SPG7: variants seen among roughly 807,000 people sequenced by gnomAD.
SPG7 encodes mitochondrial inner membrane m-AAA protease component paraplegin.
Under a neutral mutation model 81.9 loss-of-function variants are expected in SPG7, and 103 were observed. That is an observed-to-expected ratio of 1.26 (90% CI 1.07 to 1.48). The LOEUF (loss-of-function observed/expected upper bound fraction) is 1.48, where lower values mean the gene tolerates loss of function less well. SPG7 is among the 40% of genes most tolerant of loss of function. The probability of loss-of-function intolerance (pLI) is 0.00; values close to 1 mark genes in which losing one functional copy is unlikely to be tolerated. For synonymous variants in SPG7, 534 were observed against 444.2 expected (o/e 1.20, Z -2.54); for missense variants, 1,241 against 1,087.3 (o/e 1.14, Z -1.99).
At chr16:89,552,581 A>G (rs2058646529) in intron 13 of SPG7, 1 of 311,388 alleles carries the variant, frequency 3.2e-6, no homozygotes, top group South Asian at 2.8e-5. Flanking sequence ...AGGTGAGGAC[A>G]GCCTCTGCTG....
chr16:89,546,076 C>T (rs2058559739), intron 10 of SPG7: 1 of 301,768 alleles, frequency 3.3e-6, no homozygotes, highest in Non-Finnish European at 6.5e-6. Flanking sequence ...CCCACCTCTC[C>T]TTCCAAGAGC....
rs117368587 is a variant in SPG7 at position 89,527,663 on chromosome 16, C to A, written c.758+1195C>A. 4.6e-5 allele frequency among the ~76,000 whole-genome samples: 7 copies of A among 152,250 alleles called. No homozygotes were observed. The East Asian group carries it at 1.4e-3, about 29-fold the overall frequency. On this transcript the variant is annotated intron_variant, in intron 5 of 16. Transcript: ENST00000645818. Reference sequence around the variant, plus strand: ...AAACAGACCAGGTGGGAGCTGTCAGCACGTATGGACCATGGACCCTGACAG... The same window carrying A: ...AAACAGACCAGGTGGGAGCTGTCAGAACGTATGGACCATGGACCCTGACAG...
At chr16:89,545,509 G>C (rs191168894) in intron 10 of SPG7, 130 of 190,076 alleles carry the variant, frequency 6.8e-4, no homozygotes, top group African/African-American at 3.0e-3. Context: ...TTCCCGCTGG[G>C]ACACGGCTTC....
chr16:89,547,667 C>A (rs1192616464), intron 11 of SPG7: 1 of 362,394 alleles, frequency 2.8e-6, no homozygotes, highest in Non-Finnish European at 5.4e-6. Flanking sequence ...GACTGGAGTG[C>A]AGTGGCGTGA....
intron 16 of SPG7, 34 bp downstream of exon 16, chr16:89,554,597 TCACA>T (rs770056742): frequency 7.5e-6 from 11 of 1,474,934 alleles, no homozygotes; most frequent in Non-Finnish European, 1.0e-5. Context: ...GGCTACGGCG[TCACA>T]CAGTGTCCAC....
upstream of SPG7, chr16:89,508,389 G>A (rs941380831): frequency 2.7e-6 from 4 of 1,460,378 alleles, no homozygotes; most frequent in Non-Finnish European, 3.6e-6. Flanking sequence ...GCGCCCCGCG[G>A]ATCACGCAGG....
chr16:89,509,508 C>T (rs979861791), intron 1 of SPG7, among the ~76,000 whole-genome samples: 2 of 152,208 alleles, frequency 1.3e-5, no homozygotes, highest in African/African-American at 4.8e-5. Context: ...CTCGGCCTCC[C>T]AAAGTGCTGG....
chr16:89,524,378 A>G (rs2152399665), intron 4 of SPG7, 131 bp downstream of exon 4: 1 of 994,222 alleles, frequency 1.0e-6, no homozygotes. Flanking sequence ...GATACCTGTG[A>G]TTGAGGGCAT....
chr16:89,509,070 G>A (rs935161420), intron 1 of SPG7: 1 of 415,466 alleles, frequency 2.4e-6, no homozygotes, highest in South Asian at 1.7e-5. Context: ...CTGTTGTCAT[G>A]TAGCTCGGCA....
At chr16:89,528,023 G>A (rs2058287353) in intron 5 of SPG7, among the ~76,000 whole-genome samples, 1 of 152,140 alleles carries the variant, frequency 6.6e-6, no homozygotes, top group Non-Finnish European at 1.5e-5. Flanking sequence ...GTCTTTGTAG[G>A]CCAGTGATGT....
chr16:89,530,414 G>C (rs1014679150), intron 6 of SPG7: 11 of 493,304 alleles, frequency 2.2e-5, no homozygotes, highest in Non-Finnish European at 2.6e-5. Context: ...AAAGTGCTAG[G>C]ATTACAGGCG....
At chr16:89,516,189 C>T (rs2058094026) in intron 3 of SPG7, among the ~76,000 whole-genome samples, 4 of 151,398 alleles carry the variant, frequency 2.6e-5, no homozygotes, top group Non-Finnish European at 5.9e-5. Context: ...GGTTTGGCCA[C>T]GTTGGTCAGG....
intron 4 of SPG7, among the ~76,000 whole-genome samples, 157 bp from the exon 5 acceptor site, chr16:89,526,172 G>T (rs1231729767): frequency 6.6e-6 from 1 of 152,104 alleles, no homozygotes; most frequent in African/African-American, 2.4e-5. Flanking sequence ...AAGTGGAACC[G>T]TCGTACGTTA....
intron 9 of SPG7, among the ~76,000 whole-genome samples, chr16:89,536,403 G>A (rs1353944573): frequency 6.6e-6 from 1 of 152,128 alleles, no homozygotes; most frequent in East Asian, 1.9e-4. Context: ...GGGTTTTGAG[G>A]AAATCTGCAG....
At chr16:89,536,684 G>A (rs1347354139) in intron 9 of SPG7, 17 of 1,556,378 alleles carry the variant, frequency 1.1e-5, no homozygotes, top group Middle Eastern at 4.6e-4. Flanking sequence ...CGGGCGAGGC[G>A]GGCGGCTGCG....
chr16:89,535,738 A>T (rs901532277), intron 9 of SPG7, among the ~76,000 whole-genome samples: 2 of 152,226 alleles, frequency 1.3e-5, no homozygotes, highest in Non-Finnish European at 2.9e-5. Flanking sequence ...CCTGTACCTC[A>T]AGCGGAGATC....
Position 89,557,575 on chromosome 16 carries a change from A to C in SPG7, c.*482A>C, listed in dbSNP as rs1380768568. The stretch of plus-strand genomic sequence containing the variant: ...GGCCCTGTCATCCAGCTCACTCATC[A>C]ATGGGGCCAGTCAGGCCCAGGCACT... On this transcript the variant is annotated 3_prime_UTR_variant, in exon 17 of 17. Coordinates refer to ENST00000645818, the MANE Select transcript of SPG7 (RefSeq NM_003119.4). The C allele has an allele frequency of 2.1e-5, 4 of 187,370 alleles. No individual in the cohort carries two copies. Among genetic ancestry groups the C allele is most frequent in the Admixed American group, 1.6e-4 (3 of 18,244 alleles). The allele number at this position is 187,370 out of a possible 1,614,324, so 11.6% of individuals were successfully genotyped here.
At chr16:89,545,831 AT>A (rs929418954) in intron 10 of SPG7, 1 of 411,280 alleles carries the variant, frequency 2.4e-6, no homozygotes, top group Non-Finnish European at 4.8e-6. Flanking sequence ...TTCTGCTATA[AT>A]TTTTTCTTTT....
intron 3 of SPG7, among the ~76,000 whole-genome samples, chr16:89,515,269 A>G (rs901794611): frequency 6.1e-5 from 8 of 131,546 alleles, no homozygotes; most frequent in African/African-American, 2.0e-4. Context: ...TTTATTTTGT[A>G]TTTATTTATT....
Sources: gnomAD v4.1 joint callset for allele counts (sites outside exome capture counted in the v4.1 genomes callset) on GRCh38, gnomAD v4.1.1 for gene constraint, MANE v1.5 for transcripts, NCBI Gene and HGNC (gene_info 2026-07-23, HGNC 2026-07-21) for gene names.